FAM151B: variants seen among roughly 807,000 people sequenced by gnomAD.
FAM151B encodes protein FAM151B.
A neutral mutation model predicts 31.2 loss-of-function variants in FAM151B; 24 were observed. That is an observed-to-expected ratio of 0.77 (90% CI 0.56 to 1.08). The LOEUF is 1.08. Among genes scored for constraint, FAM151B ranks in the 50% least tolerant of loss-of-function variants. FAM151B has a pLI of 0.00. For missense variants in FAM151B, 293 were observed against 328.6 expected, an observed-to-expected ratio of 0.89 and a Z score of 0.84; for synonymous variants, 105 against 111.4, an observed-to-expected ratio of 0.94 and a Z score of 0.36.
chr5:80,541,891 C>A lies in FAM151B; in HGVS notation c.*59C>A. 6.6e-7 allele frequency: 1 copy of A among 1,508,850 alleles called. No homozygotes were observed. The highest frequency in any genetic ancestry group is 1.2e-5 in the South Asian group (1 of 81,296). 93.5% of individuals were successfully genotyped at this position (1,508,850 alleles called of 1,614,324 possible). A position where few individuals can be genotyped will look rare whatever the true frequency, so the allele number is the denominator to read the frequency against. On this transcript the variant is annotated 3_prime_UTR_variant, in exon 6 of 6. Coordinates refer to ENST00000282226, the MANE Select transcript of FAM151B (RefSeq NM_205548.3). ...TTTCATAATCCTTCTCTCCATTGGT[C>A]TGAATTAATTACCATATAAATTATG...
intron 3 of FAM151B, among the ~76,000 whole-genome samples, chr5:80,515,179 G>A (rs1744372967): frequency 6.6e-6 from 1 of 152,092 alleles, no homozygotes; most frequent in Admixed American, 6.6e-5. Flanking sequence ...GGTGGAGGTT[G>A]CAGTGAGTTG....
chr5:80,501,135 T>C (rs1026030517), intron 1 of FAM151B: 7 of 368,406 alleles, frequency 1.9e-5, no homozygotes, highest in Non-Finnish European at 2.5e-5. Context: ...TGTCTCAGCC[T>C]CTGGAGTAAC....
Position 80,519,741 on chromosome 5 carries a change from G to A in FAM151B, c.366G>A (p.Arg122=). 1 of 1,614,084 alleles carries A rather than the reference G, an allele frequency of 6.2e-7. No individual in the cohort carries two copies. Among genetic ancestry groups the A allele is most frequent in the Non-Finnish European group, 8.5e-7 (1 of 1,179,996 alleles). The change falls in exon 4 of 6, where the codon AGG becomes AGA. Residue 122 remains arginine (R), a synonymous_variant. Coordinates refer to ENST00000282226, the MANE Select transcript of FAM151B (RefSeq NM_205548.3). ...PSMMLLENVK[R]HLKRPVWINA... Reference sequence around the variant, plus strand: ...TGATGCTCTTGGAAAATGTGAAGAGGCATCTGAAGCGTCCTGTATGGATTA... The same window carrying A: ...TGATGCTCTTGGAAAATGTGAAGAGACATCTGAAGCGTCCTGTATGGATTA...
chr5:80,502,850 T>C (rs1416496000), intron 2 of FAM151B, among the ~76,000 whole-genome samples: 1 of 152,252 alleles, frequency 6.6e-6, no homozygotes, highest in East Asian at 1.9e-4. Context: ...TTTTGTCTTG[T>C]TTCATGTTGA....
intron 4 of FAM151B, among the ~76,000 whole-genome samples, chr5:80,520,371 G>A (rs1744645861): frequency 2.0e-5 from 3 of 151,982 alleles, no homozygotes; most frequent in Admixed American, 2.0e-4. Flanking sequence ...CTGGCCGGGC[G>A]TGGTGGCTCA....
In FAM151B at chr5:80,519,674, C is replaced by T. The variant is rs1156640579; in HGVS notation, c.318-19C>T. The stretch of plus-strand genomic sequence containing the variant: ...TTACCTAAAGAATCTATCTCATTGA[C>T]AACAAATTATGTTTTTAGTCTGGCA... On this transcript the variant is annotated intron_variant, in intron 3 of 5. Coordinates refer to ENST00000282226, the MANE Select transcript of FAM151B (RefSeq NM_205548.3). The T allele has an allele frequency of 3.7e-6, 6 of 1,605,888 alleles. No individual in the cohort carries two copies. In the African/African-American group the frequency reaches 8.0e-5, roughly 22 times the overall value.
intron 2 of FAM151B, among the ~76,000 whole-genome samples, chr5:80,508,798 A>G (rs1301512369): frequency 2.0e-5 from 3 of 152,150 alleles, no homozygotes; most frequent in Non-Finnish European, 4.4e-5. Context: ...GGTGCAGTGG[A>G]CAACACCCTT....
At chr5:80,540,871 GAAAA>G (rs1288638610) in intron 5 of FAM151B, among the ~76,000 whole-genome samples, 2 of 152,312 alleles carry the variant, frequency 1.3e-5, no homozygotes, top group East Asian at 3.9e-4. Flanking sequence ...AATATGACAA[GAAAA>G]TATGCCTTGG....
At chr5:80,528,445 C>T (rs1052481312) in intron 5 of FAM151B, among the ~76,000 whole-genome samples, 3 of 151,574 alleles carry the variant, frequency 2.0e-5, no homozygotes, top group African/African-American at 4.9e-5. Context: ...AAAAAAAGAG[C>T]GAGACTCATC....
chr5:80,498,718 GT>G, intron 1 of FAM151B: 1 of 583,700 alleles, frequency 1.7e-6, no homozygotes, highest in Non-Finnish European at 3.3e-6. Flanking sequence ...TTTCTCTTGT[GT>G]TTATTATTCT....
chr5:80,525,907 C>T (rs897821559), intron 5 of FAM151B, among the ~76,000 whole-genome samples: 2 of 151,428 alleles, frequency 1.3e-5, no homozygotes, highest in African/African-American at 4.8e-5. Context: ...AAGGCATATA[C>T]TAGGTGTATT....
At chr5:80,521,907 C>G in intron 4 of FAM151B, 96 bp from the exon 5 acceptor site, 1 of 822,660 alleles carries the variant, frequency 1.2e-6, no homozygotes, top group Admixed American at 2.8e-5. Context: ...TATGAATTAT[C>G]TATGGTTTTA....
chr5:80,513,052 G>T (rs1744253523), intron 2 of FAM151B, among the ~76,000 whole-genome samples: 1 of 152,178 alleles, frequency 6.6e-6, no homozygotes, highest in African/African-American at 2.4e-5. Flanking sequence ...TCCTGGAGGA[G>T]TTGTTGGCAG....
At chr5:80,500,423 T>G in intron 1 of FAM151B, 1 of 1,212,890 alleles carries the variant, frequency 8.2e-7, no homozygotes, top group Non-Finnish European at 1.2e-6. Context: ...GAAGATCAAG[T>G]GCCTGAGAAA....
intron 2 of FAM151B, among the ~76,000 whole-genome samples, chr5:80,505,144 G>T (rs1170916726): frequency 6.6e-6 from 1 of 152,150 alleles, no homozygotes; most frequent in Non-Finnish European, 1.5e-5. Flanking sequence ...AATAAAAGGA[G>T]TATAAAACTC....
Position 80,501,748 on chromosome 5 carries a change from T to C in FAM151B, c.26-44T>C, listed in dbSNP as rs1743756305. On this transcript the variant is annotated intron_variant, in intron 1 of 5. Transcript: ENST00000282226. ...GAAAGTGATTTTAAAAATTTTACCC[T>C]ATAAAAAACAATATCACTTTTCATG... 2.0e-6 allele frequency: 3 copies of C among 1,492,542 alleles called. No individual in the cohort carries two copies. In the African/African-American group the frequency reaches 4.2e-5, roughly 21 times the overall value. The allele number at this position is 1,492,542 out of a possible 1,614,324, so 92.5% of individuals were successfully genotyped here.
Position 80,510,196 on chromosome 5 carries a change from A to C in FAM151B, c.152-3408A>C, listed in dbSNP as rs530976338. On this transcript the variant is annotated intron_variant, in intron 2 of 5. Transcript: ENST00000282226. The stretch of plus-strand genomic sequence containing the variant: ...GTCAGCTGGTGGTTCTGTTGCATGT[A>C]GTACGGGCTTAGGACGTTCATGTAG... Among the ~76,000 whole-genome samples the C allele has an allele frequency of 4.6e-5, 7 of 152,332 alleles. No homozygotes were observed. The South Asian group carries it at 1.4e-3, about 32-fold the overall frequency.
intron 1 of FAM151B, chr5:80,501,098 C>G (rs567261688): frequency 2.5e-6 from 1 of 394,514 alleles, no homozygotes; most frequent in African/African-American, 2.1e-5. Context: ...ACTGCAACCT[C>G]TGCCTCCCAT....
At chr5:80,518,582 T>C (rs896893443) in intron 3 of FAM151B, among the ~76,000 whole-genome samples, 3 of 152,120 alleles carry the variant, frequency 2.0e-5, no homozygotes, top group Non-Finnish European at 4.4e-5. Flanking sequence ...CACTAAAATC[T>C]AGGCCCTCCC....
Sources: allele counts gnomAD v4.1 joint callset (sites outside exome capture counted in the v4.1 genomes callset), GRCh38; gene constraint gnomAD v4.1.1; transcripts MANE v1.5; gene names NCBI Gene and HGNC (gene_info 2026-07-23, HGNC 2026-07-21).